Variants in TRIM33 observed in about 807,000 individuals in gnomAD.
TRIM33 encodes the protein tripartite motif containing 33.
In TRIM33, 20 loss-of-function variants were observed where a neutral mutation model predicts 125.4. That is an observed-to-expected ratio of 0.16 (90% CI 0.11 to 0.23). The LOEUF is 0.23. TRIM33 is among the 10% of genes least tolerant of loss of function. TRIM33 has a pLI of 1.00. For missense variants in TRIM33, 920 were observed against 1,411.4 expected (o/e 0.65, Z 5.58); for synonymous variants, 564 against 513.9 (o/e 1.10, Z -1.32).
intron 6 of TRIM33, among the ~76,000 whole-genome samples, chr1:114,428,276 T>C (rs3789621): frequency 1.3e-5 from 2 of 152,214 alleles, no homozygotes; most frequent in East Asian, 3.8e-4. Flanking sequence ...AAATTTTGTG[T>C]CACCAGTGCC....
At chr1:114,502,649 G>A (rs1390646311) in intron 1 of TRIM33, among the ~76,000 whole-genome samples, 1 of 152,048 alleles carries the variant, frequency 6.6e-6, no homozygotes, top group Non-Finnish European at 1.5e-5. Context: ...TGGAACTACA[G>A]GCGCACACCA....
At chr1:114,455,459 A>G (rs1234436943) in intron 4 of TRIM33, among the ~76,000 whole-genome samples, 1 of 152,178 alleles carries the variant, frequency 6.6e-6, no homozygotes, top group Non-Finnish European at 1.5e-5. Context: ...CTGCTGTAAA[A>G]TCTAGCAATA....
intron 4 of TRIM33, among the ~76,000 whole-genome samples, chr1:114,456,744 CACATGTAATAAT>C (rs1649652226): frequency 6.6e-6 from 1 of 151,972 alleles, no homozygotes; most frequent in Non-Finnish European, 1.5e-5. Flanking sequence ...TTCGGGTCCC[CACATGTAATAAT>C]ATAGTATACT....
At chr1:114,435,269 C>G (rs918221244) in intron 4 of TRIM33, among the ~76,000 whole-genome samples, 2 of 152,206 alleles carry the variant, frequency 1.3e-5, no homozygotes, top group South Asian at 2.1e-4. Context: ...GTTGGTACAG[C>G]CAAACAAACA....
In TRIM33 at chr1:114,396,281, G is replaced by A. The variant is rs908724238; in HGVS notation, c.*1367C>T. 5.4e-5 allele frequency: 11 copies of A among 204,354 alleles called. No individual in the cohort carries two copies. The highest frequency in any genetic ancestry group is 1.2e-4 in the Admixed American group (2 of 16,742). The allele number at this position is 204,354 out of a possible 1,614,324, so 12.7% of individuals were successfully genotyped here. A position where few individuals can be genotyped will look rare whatever the true frequency, so the allele number is the denominator to read the frequency against. On this transcript the variant is annotated 3_prime_UTR_variant, in exon 20 of 20. Transcript: ENST00000358465. ...AGTTGGTTTATCGGCCTCGGGTGCT[G>A]TAATTGGGGTGGTAAAGGTGGGTTT...
chr1:114,444,188 T>C (rs1380573873), intron 4 of TRIM33, among the ~76,000 whole-genome samples: 1 of 152,014 alleles, frequency 6.6e-6, no homozygotes, highest in South Asian at 2.1e-4. Context: ...GGCAGGGCAC[T>C]GGAATGGAGG....
intron 4 of TRIM33, among the ~76,000 whole-genome samples, chr1:114,446,656 G>GAA (rs1424446480): frequency 6.6e-6 from 1 of 151,634 alleles, no homozygotes; most frequent in Non-Finnish European, 1.5e-5. Context: ...GACAACAAAA[G>GAA]AACAAAACAC....
At chr1:114,428,675 G>C (rs1352232427) in intron 6 of TRIM33, among the ~76,000 whole-genome samples, 1 of 152,136 alleles carries the variant, frequency 6.6e-6, no homozygotes, top group Non-Finnish European at 1.5e-5. Flanking sequence ...TAAATCAATG[G>C]ATAAGAGTAT....
intron 1 of TRIM33, among the ~76,000 whole-genome samples, chr1:114,466,015 C>G (rs1342278859): frequency 6.6e-6 from 1 of 151,222 alleles, no homozygotes; most frequent in African/African-American, 2.4e-5. Flanking sequence ...TGCACTCCAG[C>G]TTGGGCGACA....
intron 1 of TRIM33, among the ~76,000 whole-genome samples, chr1:114,491,645 A>C (rs932628951): frequency 6.6e-6 from 1 of 152,092 alleles, no homozygotes; most frequent in Non-Finnish European, 1.5e-5. Flanking sequence ...TTTACAAAAA[A>C]TGTAAAAAAT....
chr1:114,414,653 C>T (rs1364306105), intron 11 of TRIM33, among the ~76,000 whole-genome samples: 1 of 152,104 alleles, frequency 6.6e-6, no homozygotes, highest in African/African-American at 2.4e-5. Context: ...TTGAGTAATG[C>T]TATACAATTT....
intron 1 of TRIM33, among the ~76,000 whole-genome samples, chr1:114,483,942 A>G (rs1651513840): frequency 6.6e-6 from 1 of 152,144 alleles, no homozygotes; most frequent in South Asian, 2.1e-4. Flanking sequence ...CTGGTTTAGG[A>G]AACCGGAACA....
At chr1:114,399,737 T>TA in intron 17 of TRIM33, 128 bp from the exon 18 acceptor site, 1 of 724,902 alleles carries the variant, frequency 1.4e-6, no homozygotes, top group Non-Finnish European at 2.2e-6. Flanking sequence ...AAATTTTGAG[T>TA]ATAGACGTAT....
In TRIM33 at chr1:114,425,919, C is replaced by T. The variant is rs144746207; in HGVS notation, c.1421-196G>A. On this transcript the variant is annotated intron_variant, in intron 8 of 19. Coordinates refer to ENST00000358465, the MANE Select transcript of TRIM33 (RefSeq NM_015906.4). ...ATACATTCCAAAGCTGAATAAATGA[C>T]GTTTGGTTATTCAGAAAAATATACT... Among the ~76,000 whole-genome samples, 371 of 152,154 alleles carry T rather than the reference C, an allele frequency of 2.4e-3. 1 individual carries two copies. The highest frequency in any genetic ancestry group is 8.6e-3 in the African/African-American group (357 of 41,508).
Position 114,409,540 on chromosome 1 carries a change from A to G in TRIM33, c.2194+644T>C, listed in dbSNP as rs149609262. On this transcript the variant is annotated intron_variant, in intron 12 of 19. Transcript: ENST00000358465. ...TTCAACTGACTCTGTATTGTAAAATATAAGATTAAACCCATGAAAGACTGT... is the reference window on the plus strand; with the variant it reads ...TTCAACTGACTCTGTATTGTAAAATGTAAGATTAAACCCATGAAAGACTGT... Among the ~76,000 whole-genome samples the G allele has an allele frequency of 4.3e-4, 65 of 152,370 alleles. 1 individual carries two copies. The East Asian group carries it at 0.011, about 27-fold the overall frequency.
chr1:114,435,913 T>G (rs1359266336), intron 4 of TRIM33, among the ~76,000 whole-genome samples: 1 of 146,866 alleles, frequency 6.8e-6, no homozygotes, highest in Non-Finnish European at 1.5e-5. Context: ...TTTACTTTTT[T>G]GTAGAGATGA....
chr1:114,420,106 T>G (rs1251574351), intron 11 of TRIM33, among the ~76,000 whole-genome samples: 4 of 152,336 alleles, frequency 2.6e-5, no homozygotes, highest in Non-Finnish European at 4.4e-5. Flanking sequence ...AGTATAACGC[T>G]GGCAGATTAT....
Position 114,397,686 on chromosome 1 carries a change from G to A in TRIM33, c.3346C>T (p.Arg1116Cys). ...ACTGGTCTCTCATCTGACTTTAGGC[G>A]TTTTCTGCGGGGCTGTATAAAGTCT... is the stretch of plus-strand genomic sequence containing the variant. ...DEDFIQPRRK[R>C]LKSDERPVHI... The change falls in exon 20 of 20, where the codon CGC becomes TGC. Residue 1116 changes from arginine (R) to cysteine (C), a missense_variant. This residue lies in a region of TRIM33 where 122 missense variants were observed against 236.8 expected (regional missense o/e 0.52). Transcript: ENST00000358465. The A allele has an allele frequency of 6.2e-7, 1 of 1,608,424 alleles. No individual in the cohort carries two copies. Among genetic ancestry groups the A allele is most frequent in the Non-Finnish European group, 8.5e-7 (1 of 1,178,942 alleles).
At chr1:114,485,376 A>G (rs920609409) in intron 1 of TRIM33, among the ~76,000 whole-genome samples, 1 of 152,024 alleles carries the variant, frequency 6.6e-6, no homozygotes, top group African/African-American at 2.4e-5. Context: ...CCCACCTGGC[A>G]ATAATAAGGA....
Sources: gnomAD v4.1 joint callset for allele counts (sites outside exome capture counted in the v4.1 genomes callset) on GRCh38, gnomAD v4.1.1 for gene constraint, gnomAD v4.1.1 regional missense constraint, MANE v1.5 for transcripts, NCBI Gene and HGNC (gene_info 2026-07-23, HGNC 2026-07-21) for gene names.